The following AKAP10 variants were observed in gnomAD, a reference collection of about 807,000 sequenced individuals.
AKAP10 encodes A-kinase anchor protein 10, mitochondrial.
In AKAP10, 24 loss-of-function variants were observed where a neutral mutation model predicts 80.8. The ratio of observed to expected loss-of-function variants is 0.30; its 90% CI spans 0.22 to 0.42. AKAP10 has a LOEUF of 0.42. AKAP10 is among the 10% of genes least tolerant of loss of function. The probability of loss-of-function intolerance (pLI) is 1.00; values close to 1 mark genes in which losing one functional copy is unlikely to be tolerated. For missense variants in AKAP10, 661 were observed against 794.9 expected (o/e 0.83, Z 2.03); for synonymous variants, 291 against 277.7 (o/e 1.05, Z -0.48).
At chr17:19,928,460 A>C (rs986661622) in intron 10 of AKAP10, among the ~76,000 whole-genome samples, 2 of 152,348 alleles carry the variant, frequency 1.3e-5, no homozygotes, top group Middle Eastern at 3.4e-3. Flanking sequence ...TAAAACTCAT[A>C]CACTGCTGGT....
intron 10 of AKAP10, among the ~76,000 whole-genome samples, chr17:19,927,683 G>A (rs1371559836): frequency 6.6e-6 from 1 of 152,170 alleles, no homozygotes; most frequent in Non-Finnish European, 1.5e-5. Context: ...GGCCAAGGCA[G>A]GTGGATCACC....
At chr17:19,911,810 C>T (rs1044656340) in intron 12 of AKAP10, among the ~76,000 whole-genome samples, 1 of 121,046 alleles carries the variant, frequency 8.3e-6, no homozygotes, top group Admixed American at 1.0e-4. Flanking sequence ...ACTCCAGCCT[C>T]GGCAACAAGA....
At chr17:19,908,657 T>C (rs982243928) in intron 14 of AKAP10, among the ~76,000 whole-genome samples, 1 of 152,164 alleles carries the variant, frequency 6.6e-6, no homozygotes, top group Non-Finnish European at 1.5e-5. Context: ...GATTTTTTTT[T>C]TGAAATGGGG....
intron 4 of AKAP10, among the ~76,000 whole-genome samples, chr17:19,949,781 G>GAAA (rs35398779): frequency 1.7e-5 from 2 of 117,194 alleles, no homozygotes; most frequent in African/African-American, 2.9e-5. Context: ...AAAAAAAAGA[G>GAAA]AAAAAAAAAA....
At chr17:19,960,509 G>C (rs578138279) in intron 3 of AKAP10, among the ~76,000 whole-genome samples, 1 of 152,244 alleles carries the variant, frequency 6.6e-6, no homozygotes, top group African/African-American at 2.4e-5. Flanking sequence ...TATTCATCCA[G>C]GTGGTTAAAT....
intron 9 of AKAP10, chr17:19,936,028 T>A (rs2042988484): frequency 6.3e-6 from 2 of 314,994 alleles, no homozygotes; most frequent in East Asian, 1.0e-4. Flanking sequence ...TTTTTCTAAC[T>A]TTTGTTATTA....
intron 5 of AKAP10, chr17:19,947,029 A>G (rs560804053): frequency 5.5e-6 from 1 of 182,934 alleles, no homozygotes; most frequent in South Asian, 1.1e-4. Context: ...ACCGGCTTTT[A>G]GCCTCACTGG....
rs80346229 is a variant in AKAP10, at chr17:19,915,180, G to C, written c.1834+4856C>G. Among the ~76,000 whole-genome samples, 809 of 152,280 alleles carry C rather than the reference G, an allele frequency of 5.3e-3. 16 individuals carry two copies. In the East Asian group the frequency reaches 0.074, roughly 14 times the overall value. On this transcript the variant is annotated intron_variant, in intron 12 of 14. Coordinates refer to ENST00000225737, the MANE Select transcript of AKAP10 (RefSeq NM_007202.4). The stretch of plus-strand genomic sequence containing the variant: ...AATGTACAGACCAATATACAGAGAG[G>C]CTTTCAAAAACACCATATACAACAC...
chr17:19,967,086 A>G (rs948980442), intron 2 of AKAP10, among the ~76,000 whole-genome samples: 1 of 152,172 alleles, frequency 6.6e-6, no homozygotes, highest in Non-Finnish European at 1.5e-5. Context: ...AATACAACAT[A>G]AAAACATTTG....
intron 4 of AKAP10, 32 bp downstream of exon 4, chr17:19,957,982 C>T (rs1244418368): frequency 6.4e-7 from 1 of 1,562,886 alleles, no homozygotes; most frequent in Non-Finnish European, 8.7e-7. Context: ...AAGTGAGACA[C>T]ATATGTACAC....
intron 10 of AKAP10, among the ~76,000 whole-genome samples, chr17:19,926,680 G>A (rs945005914): frequency 3.3e-5 from 5 of 152,126 alleles, no homozygotes; most frequent in African/African-American, 7.2e-5. Flanking sequence ...TAATGGAATC[G>A]AAAAGAACTT....
chr17:19,956,973 G>A (rs1301142258), intron 4 of AKAP10, among the ~76,000 whole-genome samples: 1 of 152,090 alleles, frequency 6.6e-6, no homozygotes, highest in Non-Finnish European at 1.5e-5. Context: ...TTCAGTAGCA[G>A]ATTAGACCTC....
At chr17:19,941,520 A>C (rs2043050528) in intron 6 of AKAP10, among the ~76,000 whole-genome samples, 1 of 152,228 alleles carries the variant, frequency 6.6e-6, no homozygotes, top group Admixed American at 6.5e-5. Context: ...TAAATAAATA[A>C]ACCAATTCTA....
Position 19,946,237 on chromosome 17 carries a change from T to TAATATA in AKAP10, c.976+1169_976+1170insTATATT, listed in dbSNP as rs1491288818. Among the ~76,000 whole-genome samples, 9 of 15,172 alleles carry TAATATA rather than the reference T, an allele frequency of 5.9e-4. 1 individual carries two copies. Among genetic ancestry groups the TAATATA allele is most frequent in the Admixed American group, 1.5e-3 (1 of 672 alleles). The allele number at this position is 15,172 out of a possible 152,430, so 10.0% of individuals were successfully genotyped here. ...TATATATATTTTATATATATATATA[T>TAATATA]TATATATATATATATATATATATAT... On this transcript the variant is annotated intron_variant, in intron 5 of 14. Transcript: ENST00000225737.
intron 11 of AKAP10, among the ~76,000 whole-genome samples, chr17:19,921,093 A>G (rs2042808785): frequency 6.6e-6 from 1 of 151,964 alleles, no homozygotes; most frequent in African/African-American, 2.4e-5. Flanking sequence ...AAAAACCTGA[A>G]CAATCAAGAG....
At position 19,946,254 on chromosome 17, in the gene AKAP10, T is replaced by A. The variant is rs1358325597; in HGVS notation, c.976+1153A>T. Reference sequence around the variant, plus strand: ...TATATATATTATATATATATATATATATATATATATATATATATATATTTT... The same window carrying A: ...TATATATATTATATATATATATATAAATATATATATATATATATATATTTT... On this transcript the variant is annotated intron_variant, in intron 5 of 14. Coordinates refer to ENST00000225737, the MANE Select transcript of AKAP10 (RefSeq NM_007202.4). Among the ~76,000 whole-genome samples the A allele has an allele frequency of 6.4e-3, 158 of 24,786 alleles. 11 individuals are homozygous for A. The highest frequency in any genetic ancestry group is 0.021 in the African/African-American group (133 of 6,396). The allele number at this position is 24,786 out of a possible 152,430, so 16.3% of individuals were successfully genotyped here.
chr17:19,959,094 C>G (rs1218722077), intron 3 of AKAP10, among the ~76,000 whole-genome samples: 1 of 151,996 alleles, frequency 6.6e-6, no homozygotes, highest in Admixed American at 6.6e-5. Flanking sequence ...CTTCGGCAAT[C>G]CACCCACCTC....
At chr17:19,925,341 A>AT (rs983232250) in intron 10 of AKAP10, among the ~76,000 whole-genome samples, 1 of 152,142 alleles carries the variant, frequency 6.6e-6, no homozygotes, top group African/African-American at 2.4e-5. Context: ...TACAGGGTAA[A>AT]TAGGAATGTT....
intron 12 of AKAP10, among the ~76,000 whole-genome samples, chr17:19,912,014 A>C (rs2042696538): frequency 6.6e-6 from 1 of 152,182 alleles, no homozygotes. Flanking sequence ...CGTGCTCATA[A>C]CATCATTTTA....
Sources: allele counts gnomAD v4.1 joint callset (sites outside exome capture counted in the v4.1 genomes callset), GRCh38; gene constraint gnomAD v4.1.1; transcripts MANE v1.5; gene names NCBI Gene and HGNC (gene_info 2026-07-23, HGNC 2026-07-21).